The following OSBPL2 variants were observed in gnomAD, a reference collection of about 807,000 sequenced individuals.
The protein encoded by OSBPL2 is oxysterol binding protein like 2.
A neutral mutation model predicts 58.4 loss-of-function variants in OSBPL2; 18 were observed. That is an observed-to-expected ratio of 0.31 (90% CI 0.21 to 0.46). The LOEUF is 0.46. OSBPL2 is among the 20% of genes least tolerant of loss of function. OSBPL2 has a pLI of 1.00. For synonymous variants in OSBPL2, 221 were observed against 234.1 expected (o/e 0.94, Z 0.51); for missense variants, 461 against 616.5 (o/e 0.75, Z 2.67).
intron 4 of OSBPL2, among the ~76,000 whole-genome samples, chr20:62,268,957 T>G (rs1412845861): frequency 6.6e-6 from 1 of 151,754 alleles, no homozygotes; most frequent in Non-Finnish European, 1.5e-5. Context: ...CTTGGGAGGC[T>G]GAGGCAGGCG....
At chr20:62,277,199 G>A (rs1040483933) in intron 6 of OSBPL2, among the ~76,000 whole-genome samples, 1 of 152,198 alleles carries the variant, frequency 6.6e-6, no homozygotes, top group Admixed American at 6.5e-5. Context: ...GCAGTGAGCC[G>A]AGATCACGCC....
chr20:62,261,746 T>C (rs1981325663), intron 3 of OSBPL2, among the ~76,000 whole-genome samples: 2 of 152,236 alleles, frequency 1.3e-5, no homozygotes, highest in African/African-American at 4.8e-5. Context: ...CCTGTTGTTG[T>C]GCAGAGGCAT....
In OSBPL2 at chr20:62,263,775, T is replaced by C. The variant is rs1203630770; in HGVS notation, c.258+84T>C. On this transcript the variant is annotated intron_variant, in intron 4 of 13. Coordinates refer to ENST00000313733, the MANE Select transcript of OSBPL2 (RefSeq NM_144498.4). ...TTGCAGTGCTGGTGGTTTAAGAAAA[T>C]GCGCTCTTGGCCGGGCGCGGTGGCT... 4.6e-6 allele frequency: 6 copies of C among 1,300,418 alleles called. No homozygotes were observed. In the African/African-American group the frequency reaches 8.7e-5, roughly 19 times the overall value. 80.6% of individuals were successfully genotyped at this position (1,300,418 alleles called of 1,614,324 possible).
chr20:62,253,687 G>A (rs1014899200), intron 1 of OSBPL2, among the ~76,000 whole-genome samples: 6 of 150,156 alleles, frequency 4.0e-5, no homozygotes, highest in African/African-American at 9.8e-5. Context: ...GGAGGGAAGA[G>A]AGCGGGAGAG....
At chr20:62,264,104 T>G (rs919682881) in intron 4 of OSBPL2, among the ~76,000 whole-genome samples, 4 of 151,350 alleles carry the variant, frequency 2.6e-5, no homozygotes, top group Non-Finnish European at 5.9e-5. Flanking sequence ...ACTCTCATGT[T>G]TATAAACAGC....
At chr20:62,244,041 G>A (rs1209445568) in intron 1 of OSBPL2, among the ~76,000 whole-genome samples, 1 of 152,008 alleles carries the variant, frequency 6.6e-6, no homozygotes, top group Non-Finnish European at 1.5e-5. Flanking sequence ...ATGAAGATGG[G>A]CACGATGGTG....
chr20:62,282,421 C>G (rs186953124), intron 9 of OSBPL2, among the ~76,000 whole-genome samples: 1 of 152,202 alleles, frequency 6.6e-6, no homozygotes, highest in Non-Finnish European at 1.5e-5. Flanking sequence ...GGGTTAATTA[C>G]TTTGTAATCT....
At position 62,289,309 on chromosome 20, in the gene OSBPL2, G is replaced by A. The variant is rs143858748; in HGVS notation, c.1228G>A (p.Gly410Ser). ...CTGCCGCCTGCGCCCTGACATCCGC[G>A]GCATGGAGAATGGCAACATGGGTGC... ...TDCRLRPDIR[G>S]MENGNMDLAS... is the part of the protein sequence containing the mutation. Residue 410 changes from glycine to serine, a missense_variant, in exon 12 of 14, where the codon GGC becomes AGC. Physicochemically the swap from Gly to Ser is moderately conservative, Grantham distance 56. Around this residue, in one of 5 missense-constraint regions of OSBPL2, gnomAD observed 319 missense variants for 419.2 expected, o/e 0.76. Coordinates refer to ENST00000313733, the MANE Select transcript of OSBPL2 (RefSeq NM_144498.4). 7.4e-6 allele frequency: 12 copies of A among 1,612,734 alleles called. No individual in the cohort carries two copies. Among genetic ancestry groups the A allele is most frequent in the Non-Finnish European group, 1.0e-5 (12 of 1,179,454 alleles).
intron 1 of OSBPL2, among the ~76,000 whole-genome samples, chr20:62,250,373 A>G (rs1283493856): frequency 6.6e-6 from 1 of 152,138 alleles, no homozygotes; most frequent in Admixed American, 6.5e-5. Context: ...TCGCACATGC[A>G]GATGTGGGGG....
At position 62,289,247 on chromosome 20, in the gene OSBPL2, T is replaced by A; in HGVS notation, c.1166T>A (p.Leu389Gln). 1 of 1,613,884 alleles carries A rather than the reference T, an allele frequency of 6.2e-7. No individual in the cohort carries two copies. The highest frequency in any genetic ancestry group is 1.1e-5 in the South Asian group (1 of 90,978). The change falls in exon 12 of 14, where the codon CTG becomes CAG. Residue 389 changes from leucine (L) to glutamine (Q), a missense_variant. Physicochemically the swap from Leu to Gln is moderately radical, Grantham distance 113 (BLOSUM62 -2). Coordinates refer to ENST00000313733, the MANE Select transcript of OSBPL2 (RefSeq NM_144498.4). ...AGTTTCACTGTGAGCCTCAACGAGC[T>A]GGAGACAGGCATGGAGAAGACCCTG... ...FTSFTVSLNE[L>Q]ETGMEKTLPP...
rs1166761533 is a variant in OSBPL2 at position 62,272,159 on chromosome 20, A to G, written c.293A>G (p.Asn98Ser). Residue 98 changes from asparagine to serine, a missense_variant, in exon 5 of 14, where the codon AAC (asparagine) becomes AGC (serine). By Grantham distance (46) the Asn-to-Ser change is conservative. Transcript: ENST00000313733. ...LSKITMPIAF[N>S]EPLSFLQRIT... ...AAGATCACGATGCCAATCGCCTTCA[A>G]CGAGCCTCTGAGCTTCTTGCAGCGG... The G allele has an allele frequency of 1.9e-6, 3 of 1,613,804 alleles. No individual in the cohort carries two copies. The highest frequency in any genetic ancestry group is 1.1e-5 in the South Asian group (1 of 91,082).
chr20:62,271,763 C>T, intron 4 of OSBPL2: 1 of 230,498 alleles, frequency 4.3e-6, no homozygotes, highest in Non-Finnish European at 8.5e-6. Context: ...GGGACCACTA[C>T]TCTGGAAGTG....
intron 4 of OSBPL2, among the ~76,000 whole-genome samples, chr20:62,265,312 T>A (rs924260064): frequency 1.3e-5 from 2 of 152,242 alleles, no homozygotes; most frequent in Admixed American, 1.3e-4. Context: ...TCCAGTATAG[T>A]CCTTATTTAC....
intron 1 of OSBPL2, among the ~76,000 whole-genome samples, chr20:62,241,769 C>G (rs190961946): frequency 6.6e-6 from 1 of 152,374 alleles, no homozygotes; most frequent in African/African-American, 2.4e-5. Flanking sequence ...TTGGCTCCAA[C>G]ACCTGCTGAA....
chr20:62,286,516 A>T, intron 10 of OSBPL2, 67 bp from the exon 11 acceptor site: 1 of 1,554,652 alleles, frequency 6.4e-7, no homozygotes, highest in Non-Finnish European at 8.7e-7. Context: ...CGCTCTGAGA[A>T]TAGCTGTCCT....
chr20:62,243,464 AGCG>A (rs1452129279), intron 1 of OSBPL2, among the ~76,000 whole-genome samples: 3 of 61,850 alleles, frequency 4.9e-5, no homozygotes, highest in African/African-American at 1.0e-4. Flanking sequence ...CCTGCCCCGC[AGCG>A]CCTGCCCGGC....
At chr20:62,259,531 A>C (rs1393366166) in intron 2 of OSBPL2, among the ~76,000 whole-genome samples, 2 of 152,144 alleles carry the variant, frequency 1.3e-5, no homozygotes, top group East Asian at 3.9e-4. Context: ...TCTCCCTTGA[A>C]ACACTGTCAG....
chr20:62,266,568 G>A (rs1429996966), intron 4 of OSBPL2, among the ~76,000 whole-genome samples: 1 of 149,584 alleles, frequency 6.7e-6, no homozygotes, highest in Non-Finnish European at 1.5e-5. Context: ...CTGGATCCGA[G>A]GTGATTGGCT....
chr20:62,291,647 G>C, intron 12 of OSBPL2, 56 bp from the exon 13 acceptor site: 2 of 1,414,420 alleles, frequency 1.4e-6, no homozygotes. Context: ...CATAGGGGGT[G>C]GCGGGGTGCG....
Sources: gnomAD v4.1 joint callset for allele counts (sites outside exome capture counted in the v4.1 genomes callset) on GRCh38, gnomAD v4.1.1 for gene constraint, gnomAD v4.1.1 regional missense constraint, MANE v1.5 for transcripts, NCBI Gene and HGNC (gene_info 2026-07-23, HGNC 2026-07-21) for gene names.